The following NALCN variants were observed in gnomAD, a reference collection of about 807,000 sequenced individuals.
The protein encoded by NALCN is sodium leak channel NALCN.
In NALCN, 111 loss-of-function variants were observed where a neutral mutation model predicts 225.3. The observed-to-expected ratio is 0.49, with a 90% CI of 0.42 to 0.58. The LOEUF (loss-of-function observed/expected upper bound fraction) is 0.58, where lower values mean the gene tolerates loss of function less well. NALCN is among the 20% of genes least tolerant of loss of function. The pLI is 0.00. For missense variants in NALCN, 1,378 were observed against 2,202.4 expected (o/e 0.63, Z 7.49); for synonymous variants, 764 against 769.0 (o/e 0.99, Z 0.11).
Position 101,160,111 on chromosome 13 carries a change from T to C in NALCN, c.1840-15215A>G, listed in dbSNP as rs9554759. ...CTGGGACTACAGGTACACACCACCA[T>C]GCCTGACTAATTTTTTGTATTTTTA... On this transcript the variant is annotated intron_variant, in intron 15 of 43. Coordinates refer to ENST00000251127, the MANE Select transcript of NALCN (RefSeq NM_052867.4). 1.9e-3 allele frequency among the ~76,000 whole-genome samples: 294 copies of C among 152,098 alleles called. 1 individual carries two copies. Among genetic ancestry groups the C allele is most frequent in the South Asian group, 0.017 (81 of 4,798 alleles).
intron 3 of NALCN, among the ~76,000 whole-genome samples, chr13:101,379,665 A>G (rs548703702): frequency 1.4e-4 from 22 of 152,242 alleles, no homozygotes; most frequent in African/African-American, 5.1e-4. Flanking sequence ...GAGTCGAACA[A>G]TGAGAACATA....
intron 13 of NALCN, among the ~76,000 whole-genome samples, chr13:101,200,289 C>G (rs1043526893): frequency 9.2e-5 from 14 of 152,162 alleles, no homozygotes; most frequent in Non-Finnish European, 1.9e-4. Flanking sequence ...AGGCCAATGA[C>G]CCTGAAGACA....
intron 15 of NALCN, among the ~76,000 whole-genome samples, chr13:101,160,549 G>A (rs2038130203): frequency 6.6e-6 from 1 of 152,132 alleles, no homozygotes. Context: ...TGTTACCTTT[G>A]CCTAGACTGT....
At chr13:101,378,780 C>T in intron 3 of NALCN, 127 bp from the exon 4 acceptor site, 1 of 637,480 alleles carries the variant, frequency 1.6e-6, no homozygotes, top group East Asian at 2.9e-5. Context: ...ATAGAACAGA[C>T]TTTCACAAGG....
chr13:101,401,873 A>AT (rs2047488009), intron 1 of NALCN, among the ~76,000 whole-genome samples: 1 of 152,232 alleles, frequency 6.6e-6, no homozygotes, highest in South Asian at 2.1e-4. Context: ...ATACTATTAA[A>AT]TATTATATAA....
At chr13:101,401,676 A>G (rs2047483127) in intron 1 of NALCN, among the ~76,000 whole-genome samples, 1 of 152,136 alleles carries the variant, frequency 6.6e-6, no homozygotes, top group Non-Finnish European at 1.5e-5. Context: ...TATCTGACCA[A>G]CCAAAATAGT....
chr13:101,117,997 G>A (rs1326393554), intron 18 of NALCN, among the ~76,000 whole-genome samples: 1 of 152,130 alleles, frequency 6.6e-6, no homozygotes, highest in Non-Finnish European at 1.5e-5. Flanking sequence ...ATGTTATAAT[G>A]ATAGATACAC....
At chr13:101,363,842 G>A (rs532012144) in intron 6 of NALCN, among the ~76,000 whole-genome samples, 1 of 152,094 alleles carries the variant, frequency 6.6e-6, no homozygotes, top group East Asian at 1.9e-4. Context: ...AACTGACAAA[G>A]GATTAATAAC....
In NALCN at chr13:101,151,128, T is replaced by C. The variant is rs536128443; in HGVS notation, c.1840-6232A>G. Among the ~76,000 whole-genome samples, 3 of 152,362 alleles carry C rather than the reference T, an allele frequency of 2.0e-5. No homozygotes were observed. The South Asian group carries it at 6.2e-4, about 32-fold the overall frequency. On this transcript the variant is annotated intron_variant, in intron 15 of 43. Coordinates refer to ENST00000251127, the MANE Select transcript of NALCN (RefSeq NM_052867.4). ...AGAAGTCGTCTAAGCTCAGTGCTAT[T>C]CTACGGCTCAGCATCTGCCTGGCTG...
chr13:101,212,401 G>A (rs1287039425), intron 13 of NALCN, among the ~76,000 whole-genome samples: 1 of 152,106 alleles, frequency 6.6e-6, no homozygotes, highest in Non-Finnish European at 1.5e-5. Context: ...TGTAGCATAT[G>A]TCACCTTTGG....
At chr13:101,072,885 C>G (rs977123056) in intron 37 of NALCN, among the ~76,000 whole-genome samples, 1 of 152,306 alleles carries the variant, frequency 6.6e-6, no homozygotes, top group East Asian at 1.9e-4. Context: ...TGGCTAGTGG[C>G]TCCCGAATTG....
At chr13:101,316,134 G>A (rs1265186126) in intron 7 of NALCN, among the ~76,000 whole-genome samples, 1 of 152,144 alleles carries the variant, frequency 6.6e-6, no homozygotes, top group East Asian at 1.9e-4. Flanking sequence ...TCATATATGA[G>A]AATCCACTCT....
intron 12 of NALCN, among the ~76,000 whole-genome samples, chr13:101,231,023 C>T (rs1023151179): frequency 6.6e-6 from 1 of 152,116 alleles, no homozygotes; most frequent in African/African-American, 2.4e-5. Flanking sequence ...TAGTCATACA[C>T]TGTACAGGTT....
At chr13:101,223,960 G>C (rs2041041968) in intron 13 of NALCN, among the ~76,000 whole-genome samples, 1 of 152,006 alleles carries the variant, frequency 6.6e-6, no homozygotes, top group South Asian at 2.1e-4. Context: ...ACTGGGTTCT[G>C]ATAAAAGATC....
intron 33 of NALCN, 31 bp downstream of exon 33, chr13:101,082,778 T>G: frequency 6.2e-7 from 1 of 1,610,182 alleles, no homozygotes; most frequent in Non-Finnish European, 8.5e-7. Context: ...GTGCACAGAT[T>G]CCCCCAGAGC....
chr13:101,109,018 G>A (rs975368969), intron 20 of NALCN, among the ~76,000 whole-genome samples: 3 of 152,036 alleles, frequency 2.0e-5, no homozygotes, highest in African/African-American at 7.2e-5. Context: ...AGTAAGCTCC[G>A]GCACTGAGAC....
At chr13:101,218,592 G>C (rs2140101075) in intron 13 of NALCN, among the ~76,000 whole-genome samples, 1 of 152,230 alleles carries the variant, frequency 6.6e-6, no homozygotes, top group East Asian at 1.9e-4. Context: ...CCTGATGGGA[G>C]TGATTAGATT....
upstream of NALCN, among the ~76,000 whole-genome samples, chr13:101,416,803 G>A (rs568215364): frequency 6.6e-6 from 1 of 151,794 alleles, no homozygotes; most frequent in Non-Finnish European, 1.5e-5. Flanking sequence ...CACGGCGGCG[G>A]TGTGCACGGG....
chr13:101,249,165 G>A (rs1482088291), intron 11 of NALCN, among the ~76,000 whole-genome samples: 1 of 152,098 alleles, frequency 6.6e-6, no homozygotes, highest in East Asian at 1.9e-4. Flanking sequence ...TTTCAATAGA[G>A]ATTATAAAAA....
Sources: allele counts gnomAD v4.1 joint callset (sites outside exome capture counted in the v4.1 genomes callset), GRCh38; gene constraint gnomAD v4.1.1; transcripts MANE v1.5; gene names NCBI Gene and HGNC (gene_info 2026-07-23, HGNC 2026-07-21).